The following TAFA2 variants were observed in gnomAD, a reference collection of about 807,000 sequenced individuals.
TAFA2 encodes the protein chemokine-like protein TAFA-2.
In TAFA2, 7 loss-of-function variants were observed where a neutral mutation model predicts 18.8. The observed-to-expected ratio is 0.37, with a 90% CI of 0.21 to 0.70. TAFA2 has a LOEUF of 0.70. Ranked by LOEUF, TAFA2 falls within the 30% of genes least tolerant of loss-of-function variation. The pLI, the probability that TAFA2 is intolerant of heterozygous loss-of-function variation, is 0.53. For synonymous variants in TAFA2, 60 were observed against 54.2 expected, an observed-to-expected ratio of 1.11 and a Z score of -0.47; for missense variants, 122 against 158.1, an observed-to-expected ratio of 0.77 and a Z score of 1.23.
At chr12:62,245,004 A>C (rs2062878487) in intron 1 of TAFA2, among the ~76,000 whole-genome samples, 1 of 152,122 alleles carries the variant, frequency 6.6e-6, no homozygotes. Context: ...TACATTGTAC[A>C]GAAGTTTTTC....
intron 1 of TAFA2, among the ~76,000 whole-genome samples, chr12:62,218,268 AT>A (rs2062745254): frequency 6.6e-6 from 1 of 152,114 alleles, no homozygotes; most frequent in Non-Finnish European, 1.5e-5. Flanking sequence ...AAGTGCTGGG[AT>A]TACAGGAGTG....
At position 62,004,137 on chromosome 12, in the gene TAFA2, A is replaced by G. The variant is rs1880469051; in HGVS notation, c.-1-136711T>C. 2.0e-5 allele frequency among the ~76,000 whole-genome samples: 3 copies of G among 152,162 alleles called. No homozygotes were observed. The South Asian group carries it at 6.2e-4, about 31-fold the overall frequency. On this transcript the variant is annotated intron_variant, in intron 1 of 4. Transcript: ENST00000416284. ...AATATTAAGCAAAAATACAAAATAA[A>G]TAAATTATAAAGGTATTATTTTATC...
intron 1 of TAFA2, among the ~76,000 whole-genome samples, chr12:61,945,340 G>A (rs1397441091): frequency 8.1e-6 from 1 of 123,504 alleles, no homozygotes. Context: ...CAAACCCACA[G>A]CCAATATCAT....
intron 2 of TAFA2, among the ~76,000 whole-genome samples, chr12:61,851,363 T>C (rs1485468045): frequency 6.6e-6 from 1 of 152,178 alleles, no homozygotes; most frequent in Non-Finnish European, 1.5e-5. Flanking sequence ...AGGGGCATAG[T>C]GCCTTCAAGA....
chr12:62,095,525 A>G (rs990806200), intron 1 of TAFA2, among the ~76,000 whole-genome samples: 4 of 152,162 alleles, frequency 2.6e-5, no homozygotes, highest in Non-Finnish European at 4.4e-5. Flanking sequence ...ATTAGTATCT[A>G]TATCTGAGTG....
intron 1 of TAFA2, among the ~76,000 whole-genome samples, chr12:61,909,089 A>G (rs1051972896): frequency 2.6e-5 from 4 of 152,202 alleles, no homozygotes; most frequent in Non-Finnish European, 5.9e-5. Flanking sequence ...ATGTTCACAT[A>G]TCAGAAAATC....
At chr12:61,857,779 C>A (rs763117086) in intron 2 of TAFA2, among the ~76,000 whole-genome samples, 2 of 115,474 alleles carry the variant, frequency 1.7e-5, no homozygotes, top group Non-Finnish European at 3.6e-5. Flanking sequence ...TCTCCTGCAC[C>A]TCCTCTCTTT....
chr12:62,102,792 C>G (rs1259486084), intron 1 of TAFA2, among the ~76,000 whole-genome samples: 1 of 152,120 alleles, frequency 6.6e-6, no homozygotes, highest in Non-Finnish European at 1.5e-5. Flanking sequence ...GAAAAATAAG[C>G]TAGCACATAT....
chr12:61,953,735 A>C (rs1878549284), intron 1 of TAFA2, among the ~76,000 whole-genome samples: 1 of 152,150 alleles, frequency 6.6e-6, no homozygotes, highest in African/African-American at 2.4e-5. Context: ...GAAGCTCCTC[A>C]TCCACCAAAA....
chr12:61,907,315 G>A (rs2121333550), intron 1 of TAFA2, among the ~76,000 whole-genome samples: 1 of 151,882 alleles, frequency 6.6e-6, no homozygotes, highest in South Asian at 2.1e-4. Context: ...CTCAGGACAT[G>A]GTGCCCTGCA....
At chr12:61,910,277 C>T (rs1014979141) in intron 1 of TAFA2, among the ~76,000 whole-genome samples, 11 of 152,068 alleles carry the variant, frequency 7.2e-5, no homozygotes, top group African/African-American at 2.7e-4. Flanking sequence ...ATGTTATGCA[C>T]TGATCGTACA....
At chr12:61,782,328 G>C (rs1342016316) in intron 2 of TAFA2, among the ~76,000 whole-genome samples, 1 of 151,618 alleles carries the variant, frequency 6.6e-6, no homozygotes, top group African/African-American at 2.4e-5. Flanking sequence ...CTACTTGGAG[G>C]CTTCCTACAT....
At chr12:61,721,949 C>G (rs1869921555) in intron 4 of TAFA2, among the ~76,000 whole-genome samples, 2 of 85,966 alleles carry the variant, frequency 2.3e-5, no homozygotes, top group African/African-American at 9.4e-5. Flanking sequence ...GAGTGAGACT[C>G]TCTCTCAAAA....
At chr12:62,180,125 C>T (rs2062542324) in intron 1 of TAFA2, among the ~76,000 whole-genome samples, 1 of 152,182 alleles carries the variant, frequency 6.6e-6, no homozygotes, top group Non-Finnish European at 1.5e-5. Context: ...CACCAATGTG[C>T]AGTAAGCTTG....
At chr12:61,962,879 C>T (rs1878937365) in intron 1 of TAFA2, among the ~76,000 whole-genome samples, 1 of 151,910 alleles carries the variant, frequency 6.6e-6, no homozygotes, top group Non-Finnish European at 1.5e-5. Context: ...AGGTATTTCT[C>T]CCAATGCTGT....
intron 2 of TAFA2, among the ~76,000 whole-genome samples, chr12:61,755,791 T>A (rs761291946): frequency 6.6e-6 from 1 of 152,084 alleles, no homozygotes; most frequent in Non-Finnish European, 1.5e-5. Context: ...TTAATGAAAA[T>A]TTTGGACCTT....
At chr12:61,957,515 G>A (rs1899216) in intron 1 of TAFA2, among the ~76,000 whole-genome samples, 135,475 of 152,022 alleles carry the variant, frequency 0.89, 60,374 homozygotes, top group South Asian at 0.94. Flanking sequence ...GAGGAACTTG[G>A]TTAGATATCA....
At chr12:61,925,896 A>C (rs1243985511) in intron 1 of TAFA2, among the ~76,000 whole-genome samples, 1 of 152,204 alleles carries the variant, frequency 6.6e-6, no homozygotes, top group African/African-American at 2.4e-5. Context: ...CCTTCAAAAA[A>C]TCAGTGAATC....
intron 4 of TAFA2, among the ~76,000 whole-genome samples, chr12:61,712,160 A>G (rs1869440845): frequency 6.6e-6 from 1 of 152,130 alleles, no homozygotes; most frequent in Admixed American, 6.6e-5. Flanking sequence ...AGCCAAATGG[A>G]GAAACATGGC....
Sources: allele counts gnomAD v4.1 joint callset (sites outside exome capture counted in the v4.1 genomes callset), GRCh38; gene constraint gnomAD v4.1.1; transcripts MANE v1.5; gene names NCBI Gene and HGNC (gene_info 2026-07-23, HGNC 2026-07-21).